The following SPTB variants were observed in gnomAD, a reference collection of about 807,000 sequenced individuals.
SPTB encodes the protein spectrin beta, erythrocytic.
Under a neutral mutation model 256.2 loss-of-function variants are expected in SPTB, and 45 were observed. The observed-to-expected ratio is 0.18, with a 90% CI of 0.14 to 0.23. The LOEUF is 0.23. Among genes scored for constraint, SPTB ranks in the 10% least tolerant of loss-of-function variants. SPTB has a pLI of 1.00. For synonymous variants in SPTB, 1,231 were observed against 1,243.1 expected (o/e 0.99, Z 0.21); for missense variants, 2,715 against 3,040.4 (o/e 0.89, Z 2.52).
chr14:64,756,227 C>T (rs1435403888), intron 32 of SPTB: 2 of 152,282 alleles, frequency 1.3e-5, no homozygotes, highest in African/African-American at 4.8e-5. Flanking sequence ...GCTGTGAATA[C>T]TGCTGCTTCC....
In SPTB at chr14:64,795,136, C is replaced by G. The variant is rs1456044684; in HGVS notation, c.1644+201G>C. On this transcript the variant is annotated intron_variant, in intron 12 of 35. Transcript: ENST00000644917. This position sits in a 1 kb window ranked among gnomAD's most constrained non-coding sequence, Gnocchi z 6.5. ...GTCACCAGGGTACCATGGACCTGGG[C>G]TGGTATCACCTGCTGGAGCAGAGTG... Among the ~76,000 whole-genome samples, 2 of 152,264 alleles carry G rather than the reference C, an allele frequency of 1.3e-5. No individual in the cohort carries two copies. The highest frequency in any genetic ancestry group is 4.8e-5 in the African/African-American group (2 of 41,472).
chr14:64,770,251 A>G (rs964267436), intron 27 of SPTB, among the ~76,000 whole-genome samples: 2 of 152,234 alleles, frequency 1.3e-5, no homozygotes, highest in African/African-American at 4.8e-5. Flanking sequence ...ATAGTTGTGT[A>G]ACAGCGAATA....
At chr14:64,879,625 C>T (rs1469625979) in intron 1 of SPTB, among the ~76,000 whole-genome samples, 167 bp downstream of exon 1, 3 of 152,206 alleles carry the variant, frequency 2.0e-5, no homozygotes, top group African/African-American at 7.2e-5. Flanking sequence ...GCCCCGCACC[C>T]CTCCCACCCC....
chr14:64,759,959 G>A lies in SPTB; in HGVS notation c.6346-6166C>T, dbSNP rs2082069686. On this transcript the variant is annotated intron_variant, in intron 32 of 35. Coordinates refer to ENST00000644917, the MANE Select transcript of SPTB (RefSeq NM_001355436.2). The surrounding 1 kb of genome is among the most constrained non-coding windows in gnomAD (Gnocchi z 4.8). The stretch of plus-strand genomic sequence containing the variant: ...CTGGTTTGGGGAAGAGGCAGGGGGA[G>A]GTGTCTGAGGAGCTGTGTGTACTGG... Among the ~76,000 whole-genome samples, 1 of 152,176 alleles carries A rather than the reference G, an allele frequency of 6.6e-6. No individual in the cohort carries two copies.
intron 1 of SPTB, among the ~76,000 whole-genome samples, chr14:64,833,050 A>T (rs2083471242): frequency 6.6e-6 from 1 of 152,202 alleles, no homozygotes; most frequent in Admixed American, 6.5e-5. Flanking sequence ...TTTGTGATCT[A>T]GTCCCTCCCT....
chr14:64,858,839 T>C (rs1388851649), intron 1 of SPTB, among the ~76,000 whole-genome samples: 4 of 152,108 alleles, frequency 2.6e-5, no homozygotes, highest in Non-Finnish European at 5.9e-5. Flanking sequence ...AATGGCCTCA[T>C]TTTACCAGCT....
rs560838455 is a variant in SPTB at position 64,792,137 on chromosome 14, G to C, written c.2667-281C>G. 6.6e-6 allele frequency among the ~76,000 whole-genome samples: 1 copy of C among 152,234 alleles called. No individual in the cohort carries two copies. Among genetic ancestry groups the C allele is most frequent in the Non-Finnish European group, 1.5e-5 (1 of 68,040 alleles). ...TCAAGAGAGACATATGAAGGGGAGG[G>C]AGGGCTGAAGAGAGGTTACTGTGTA... On this transcript the variant is annotated intron_variant, in intron 14 of 35. Transcript: ENST00000644917. This position sits in a 1 kb window ranked among gnomAD's most constrained non-coding sequence, Gnocchi z 4.2.
intron 1 of SPTB, among the ~76,000 whole-genome samples, chr14:64,879,590 T>A (rs1373367864): frequency 6.6e-6 from 1 of 152,150 alleles, no homozygotes; most frequent in Non-Finnish European, 1.5e-5. Flanking sequence ...GGGATGATCT[T>A]TGCCGCAGCT....
chr14:64,824,744 G>A lies in SPTB; in HGVS notation c.-51-1599C>T, dbSNP rs1463256717. 1.3e-5 allele frequency among the ~76,000 whole-genome samples: 2 copies of A among 152,124 alleles called. No homozygotes were observed. The highest frequency in any genetic ancestry group is 2.9e-5 in the Non-Finnish European group (2 of 68,016). On this transcript the variant is annotated intron_variant, in intron 1 of 35. Transcript: ENST00000644917. This position sits in a 1 kb window ranked among gnomAD's most constrained non-coding sequence, Gnocchi z 5.7. ...CCAGCACACACATGCACATCCACCA[G>A]GCACATGATCACGGAGGCACTGAAG...
At chr14:64,858,736 G>A (rs2083912877) in intron 1 of SPTB, among the ~76,000 whole-genome samples, 1 of 152,208 alleles carries the variant, frequency 6.6e-6, no homozygotes, top group African/African-American at 2.4e-5. Flanking sequence ...GTGACGTCCT[G>A]GGCTACAGGA....
chr14:64,823,455 G>A lies in SPTB; in HGVS notation c.-51-310C>T, dbSNP rs76708720. Among the ~76,000 whole-genome samples, 2,912 of 152,290 alleles carry A rather than the reference G, an allele frequency of 0.019. 114 individuals carry two copies. The highest frequency in any genetic ancestry group is 0.066 in the African/African-American group (2,754 of 41,558). On this transcript the variant is annotated intron_variant, in intron 1 of 35. Coordinates refer to ENST00000644917, the MANE Select transcript of SPTB (RefSeq NM_001355436.2). The surrounding 1 kb of genome is among the most constrained non-coding windows in gnomAD (Gnocchi z 6.5). ...TCCTCCAGACCAGCCGCCCCGCCGC[G>A]GGGAGCACCCCGGGAGAGAGGAAGC...
At position 64,771,001 on chromosome 14, in the gene SPTB, C is replaced by T. The variant is rs201979579; in HGVS notation, c.5682G>A (p.Gly1894=). Residue 1894 remains glycine, a synonymous_variant, in exon 27 of 36, where the codon GGG becomes GGA. Coordinates refer to ENST00000644917, the MANE Select transcript of SPTB (RefSeq NM_001355436.2). The part of the protein sequence containing the change: ...AWQALLDACA[G]RRTQLVDTAD... ...CCGTGTCCACTAGCTGGGTCCGGCG[C>T]CCGGCACAGGCATCGAGCAGCGCCT... 7.7e-5 allele frequency: 124 copies of T among 1,614,156 alleles called. 2 individuals carry two copies. In the East Asian group the frequency reaches 1.7e-3, roughly 23 times the overall value.
At chr14:64,815,212 G>T (rs2083167563) in intron 2 of SPTB, among the ~76,000 whole-genome samples, 1 of 152,232 alleles carries the variant, frequency 6.6e-6, no homozygotes, top group African/African-American at 2.4e-5. Flanking sequence ...GGGGACAGGG[G>T]AGAGGCAGGA....
chr14:64,780,642 A>C (rs1293098279), intron 20 of SPTB, among the ~76,000 whole-genome samples: 1 of 152,140 alleles, frequency 6.6e-6, no homozygotes, highest in African/African-American at 2.4e-5. Flanking sequence ...CGAACTCCTG[A>C]CCTCAGGTGA....
intron 15 of SPTB, among the ~76,000 whole-genome samples, chr14:64,789,851 G>T (rs1206091426): frequency 6.6e-6 from 1 of 152,180 alleles, no homozygotes; most frequent in Non-Finnish European, 1.5e-5. Context: ...ACTGGCTCAT[G>T]CAGAGACAGG....
chr14:64,750,339 A>C, intron 33 of SPTB, 185 bp from the exon 34 acceptor site: 1 of 683,306 alleles, frequency 1.5e-6, no homozygotes, highest in Non-Finnish European at 2.3e-6. Flanking sequence ...TTAACATTTT[A>C]TGTATTCCTT....
chr14:64,795,525 G>T lies in SPTB; in HGVS notation c.1456C>A (p.Gln486Lys), dbSNP rs766122956. 6.2e-7 allele frequency: 1 copy of T among 1,614,158 alleles called. No individual in the cohort carries two copies. The change falls in exon 12 of 36, where the codon CAG (glutamine) becomes AAG (lysine). Residue 486 changes from glutamine (Q) to lysine (K), a missense_variant. Gln to Lys is a moderately conservative substitution (Grantham distance 53). Around this residue, in one of 4 missense-constraint regions of SPTB, gnomAD observed 416 missense variants for 571.1 expected, o/e 0.73. Transcript: ENST00000644917. The surrounding 1 kb of genome is among the most constrained non-coding windows in gnomAD (Gnocchi z 6.5). ...ERVRALEDLA[Q>K]ELEKENYHDQ... ...TGGTAGTTCTCTTTCTCCAGCTCCT[G>T]AGCCAGGTCCTCCAGGGCTCTCACC...
chr14:64,749,037 G>A lies in SPTB; in HGVS notation c.*269C>T. The A allele has an allele frequency of 2.7e-6, 1 of 371,508 alleles. No individual in the cohort carries two copies. The highest frequency in any genetic ancestry group is 4.9e-6 in the Non-Finnish European group (1 of 205,034). 23.0% of individuals were successfully genotyped at this position (371,508 alleles called of 1,614,324 possible). On this transcript the variant is annotated 3_prime_UTR_variant, in exon 36 of 36. Coordinates refer to ENST00000644917, the MANE Select transcript of SPTB (RefSeq NM_001355436.2). The surrounding 1 kb of genome is among the most constrained non-coding windows in gnomAD (Gnocchi z 4.7). ...CGTGTGCCTCAGAGAACCGTTTCCT[G>A]CCCCCAGGCCTGGAGGCCCCAAAGG...
At chr14:64,752,445 G>A (rs762219561) in intron 33 of SPTB, 264 of 390,458 alleles carry the variant, frequency 6.8e-4, no homozygotes, top group Non-Finnish European at 1.0e-3. Flanking sequence ...TTCTGACTCC[G>A]CGCTCAGGGA....
Sources: gnomAD v4.1 joint callset for allele counts (sites outside exome capture counted in the v4.1 genomes callset) on GRCh38, gnomAD v4.1.1 for gene constraint, gnomAD v4.1.1 regional missense constraint, Gnocchi (gnomAD v3.1) non-coding constraint, MANE v1.5 for transcripts, NCBI Gene and HGNC (gene_info 2026-07-23, HGNC 2026-07-21) for gene names.